EXOG: variants seen among roughly 807,000 people sequenced by gnomAD.
The protein encoded by EXOG is nuclease EXOG, mitochondrial.
In EXOG, 27 loss-of-function variants were observed where a neutral mutation model predicts 25.8. The ratio of observed to expected loss-of-function variants is 1.05; its 90% CI spans 0.77 to 1.45. EXOG has a LOEUF of 1.45. Among genes scored for constraint, EXOG ranks in the 40% most tolerant of loss-of-function variants. EXOG has a pLI of 0.00. For missense variants in EXOG, 458 were observed against 450.5 expected (o/e 1.02, Z -0.15); for synonymous variants, 133 against 167.0 (o/e 0.80, Z 1.57).
intron 4 of EXOG, among the ~76,000 whole-genome samples, chr3:38,505,770 C>T (rs769304479): frequency 1.3e-5 from 2 of 151,586 alleles, no homozygotes; most frequent in South Asian, 2.1e-4. Context: ...GTCTGGGCAA[C>T]GTGGCAAAAC....
intron 4 of EXOG, among the ~76,000 whole-genome samples, 168 bp downstream of exon 4, chr3:38,503,859 C>T (rs2060120204): frequency 6.6e-6 from 1 of 152,168 alleles, no homozygotes; most frequent in South Asian, 2.1e-4. Context: ...GGAGTACAGC[C>T]TTCTACAGAA....
chr3:38,505,522 A>G (rs1435453589), intron 4 of EXOG: 1 of 152,188 alleles, frequency 6.6e-6, no homozygotes, highest in Admixed American at 6.5e-5. Flanking sequence ...AGAAGGAACA[A>G]AGAAGTATGT....
intron 5 of EXOG, among the ~76,000 whole-genome samples, chr3:38,516,231 T>G (rs1034339137): frequency 2.6e-5 from 4 of 152,152 alleles, no homozygotes. Flanking sequence ...CCTTTTAATT[T>G]GCAGAGGAGA....
At chr3:38,521,434 T>C (rs1047974852) in intron 5 of EXOG, among the ~76,000 whole-genome samples, 3 of 151,366 alleles carry the variant, frequency 2.0e-5, no homozygotes, top group Non-Finnish European at 3.0e-5. Context: ...TGGCTGGAAT[T>C]TTACGAGCCT....
At chr3:38,496,617 A>T (rs987188573) in intron 1 of EXOG, 87 bp downstream of exon 1, 69 of 1,526,294 alleles carry the variant, frequency 4.5e-5, no homozygotes, top group Admixed American at 7.9e-5. Flanking sequence ...TCCTTGACGG[A>T]CAGCCTTCAC....
intron 3 of EXOG, among the ~76,000 whole-genome samples, chr3:38,503,204 G>C (rs777820693): frequency 2.0e-5 from 3 of 152,204 alleles, no homozygotes; most frequent in Non-Finnish European, 4.4e-5. Flanking sequence ...ATATTCAGAA[G>C]AACAAGGACG....
chr3:38,523,623 G>T (rs967635698), intron 5 of EXOG, among the ~76,000 whole-genome samples: 2 of 151,912 alleles, frequency 1.3e-5, no homozygotes, highest in Non-Finnish European at 2.9e-5. Flanking sequence ...CCGCCTTGGC[G>T]TCCCAAAGTG....
intron 3 of EXOG, among the ~76,000 whole-genome samples, chr3:38,503,134 G>A (rs2060097773): frequency 2.0e-5 from 3 of 152,236 alleles, no homozygotes; most frequent in Non-Finnish European, 4.4e-5. Context: ...AAATTACAGT[G>A]AGGTAGAGCC....
At chr3:38,504,877 T>A (rs2060156907) in intron 4 of EXOG, among the ~76,000 whole-genome samples, 1 of 152,212 alleles carries the variant, frequency 6.6e-6, no homozygotes, top group South Asian at 2.1e-4. Flanking sequence ...CCCCATATAG[T>A]ACTTTGTGGT....
At chr3:38,498,335 G>C (rs931167169) in intron 2 of EXOG, among the ~76,000 whole-genome samples, 1 of 152,224 alleles carries the variant, frequency 6.6e-6, no homozygotes, top group South Asian at 2.1e-4. Flanking sequence ...AGGCTGAGGC[G>C]TTTGAGCTCA....
chr3:38,498,315 G>C lies in EXOG; in HGVS notation c.313+537G>C, dbSNP rs1258871872. On this transcript the variant is annotated intron_variant, in intron 2 of 5. Coordinates refer to ENST00000287675, the MANE Select transcript of EXOG (RefSeq NM_005107.4). ...GTGGTGGCTCACACCTGTAATCCCA[G>C]TACTTTGGGAGGCTGAGGCGTTTGA... Among the ~76,000 whole-genome samples, 3 of 152,214 alleles carry C rather than the reference G, an allele frequency of 2.0e-5. No homozygotes were observed. The South Asian group carries it at 6.2e-4, about 32-fold the overall frequency.
chr3:38,521,415 CTT>C (rs1215967084), intron 5 of EXOG, among the ~76,000 whole-genome samples: 11 of 151,912 alleles, frequency 7.2e-5, no homozygotes, highest in African/African-American at 2.7e-4. Context: ...TGTCCAACGT[CTT>C]TACTTTTGGC....
At chr3:38,498,487 G>A (rs1288052505) in intron 2 of EXOG, among the ~76,000 whole-genome samples, 2 of 152,032 alleles carry the variant, frequency 1.3e-5, no homozygotes, top group South Asian at 4.2e-4. Flanking sequence ...CCCAGGAGGT[G>A]GGGGTTGCAG....
At chr3:38,503,732 T>C (rs2060116689) in intron 4 of EXOG, 41 bp downstream of exon 4, 3 of 1,171,310 alleles carry the variant, frequency 2.6e-6, no homozygotes, top group East Asian at 4.7e-5. Context: ...CTATGGAAGA[T>C]AAATGAAGTG....
intron 5 of EXOG, among the ~76,000 whole-genome samples, chr3:38,508,606 G>A (rs146623593): frequency 6.6e-6 from 1 of 151,976 alleles, no homozygotes; most frequent in Non-Finnish European, 1.5e-5. Flanking sequence ...GGAACACCTA[G>A]CTCAGCTCTG....
chr3:38,515,941 A>AT (rs1169133821), intron 5 of EXOG: 1 of 152,058 alleles, frequency 6.6e-6, no homozygotes, highest in East Asian at 1.9e-4. Flanking sequence ...CTGCAGATGA[A>AT]TTTTTTTCAG....
Position 38,524,467 on chromosome 3 carries a change from TC to T in EXOG, c.*106del. 1 of 1,448,404 alleles carries T rather than the reference TC, an allele frequency of 6.9e-7. No individual in the cohort carries two copies. The highest frequency in any genetic ancestry group is 9.1e-7 in the Non-Finnish European group (1 of 1,101,972). 89.7% of individuals were successfully genotyped at this position (1,448,404 alleles called of 1,614,324 possible). On this transcript the variant is annotated 3_prime_UTR_variant, in exon 6 of 6. Transcript: ENST00000287675. ...CTTTTTGCTTTTTAAAAAGTTTTTC[TC>T]TTTAAGAGATGTGGTCTCGCCGTGT...
At chr3:38,523,869 T>G in intron 5 of EXOG, 32 bp from the exon 6 acceptor site, 1 of 1,487,880 alleles carries the variant, frequency 6.7e-7, no homozygotes, top group Non-Finnish European at 9.0e-7. Context: ...TAGCACAAAT[T>G]GGCATCACTA....
At chr3:38,501,290 G>T in intron 2 of EXOG, 65 bp from the exon 3 acceptor site, 1 of 1,463,900 alleles carries the variant, frequency 6.8e-7, no homozygotes, top group Non-Finnish European at 9.5e-7. Context: ...AGCTTGCCTT[G>T]CTTAGAGAAT....
Sources: allele counts gnomAD v4.1 joint callset (sites outside exome capture counted in the v4.1 genomes callset), GRCh38; gene constraint gnomAD v4.1.1; transcripts MANE v1.5; gene names NCBI Gene and HGNC (gene_info 2026-07-23, HGNC 2026-07-21).